The following IGFBP7 variants were observed in gnomAD, a reference collection of about 807,000 sequenced individuals.
IGFBP7 encodes the protein insulin like growth factor binding protein 7, also known as insulin-like growth factor-binding protein 7.
In IGFBP7, 31 loss-of-function variants were observed where a neutral mutation model predicts 29.4. The observed-to-expected ratio is 1.05, with a 90% confidence interval of 0.79 to 1.42. The LOEUF (loss-of-function observed/expected upper bound fraction) is 1.42. Among genes scored for constraint, IGFBP7 ranks in the 40% most tolerant of loss-of-function variants. IGFBP7 has a pLI of 0.00. For synonymous variants in IGFBP7, 172 were observed against 174.9 expected (o/e 0.98, Z 0.13); for missense variants, 393 against 395.5 (o/e 0.99, Z 0.05).
intron 2 of IGFBP7, among the ~76,000 whole-genome samples, 185 bp from the exon 3 acceptor site, chr4:57,033,496 T>C (rs1233823811): frequency 6.6e-6 from 1 of 152,234 alleles, no homozygotes; most frequent in Non-Finnish European, 1.5e-5. Context: ...TATTTCTTCC[T>C]GCCAGTTTCC....
chr4:57,057,143 C>T (rs1262096512), intron 1 of IGFBP7, among the ~76,000 whole-genome samples: 1 of 152,144 alleles, frequency 6.6e-6, no homozygotes, highest in African/African-American at 2.4e-5. Flanking sequence ...GTAGCTGGGA[C>T]TACAGGCACA....
chr4:57,090,349 C>T (rs1005932776), intron 1 of IGFBP7, among the ~76,000 whole-genome samples: 1 of 152,136 alleles, frequency 6.6e-6, no homozygotes, highest in African/African-American at 2.4e-5. Flanking sequence ...CTTTCTAGTT[C>T]TTATGATATA....
intron 1 of IGFBP7, among the ~76,000 whole-genome samples, chr4:57,042,576 G>A (rs563461382): frequency 6.6e-6 from 1 of 152,286 alleles, no homozygotes; most frequent in Non-Finnish European, 1.5e-5. Flanking sequence ...TCGAACCCCT[G>A]AGCTCAAGCG....
chr4:57,034,681 A>G (rs1724040510), intron 2 of IGFBP7, among the ~76,000 whole-genome samples: 3 of 152,194 alleles, frequency 2.0e-5, no homozygotes, highest in South Asian at 4.1e-4. Context: ...GTCGGCTTCA[A>G]ACCTACACTG....
At chr4:57,075,686 G>GTC (rs1725205120) in intron 1 of IGFBP7, among the ~76,000 whole-genome samples, 1 of 151,868 alleles carries the variant, frequency 6.6e-6, no homozygotes, top group African/African-American at 2.4e-5. Flanking sequence ...GATAGAAGAG[G>GTC]TCAACACAAC....
Position 57,095,129 on chromosome 4 carries a change from G to A in IGFBP7, c.475+14748C>T, listed in dbSNP as rs1170670174. On this transcript the variant is annotated intron_variant, in intron 1 of 4. Coordinates refer to ENST00000295666, the MANE Select transcript of IGFBP7 (RefSeq NM_001553.3). ...CAAGCAGGCTGTGATATGCCTTATGGAAAATACGGGTGTTAGACAAGCTTC... is the reference window on the plus strand; with the variant it reads ...CAAGCAGGCTGTGATATGCCTTATGAAAAATACGGGTGTTAGACAAGCTTC... Among the ~76,000 whole-genome samples, 3 of 152,204 alleles carry A rather than the reference G, an allele frequency of 2.0e-5. No individual in the cohort carries two copies. In the East Asian group the frequency reaches 5.8e-4, roughly 29 times the overall value.
intron 1 of IGFBP7, among the ~76,000 whole-genome samples, chr4:57,078,400 C>T (rs748210717): frequency 6.6e-6 from 1 of 152,056 alleles, no homozygotes; most frequent in Non-Finnish European, 1.5e-5. Context: ...AAAATTCTGC[C>T]TCAACAAATT....
intron 1 of IGFBP7, among the ~76,000 whole-genome samples, chr4:57,062,980 G>A (rs11573080): frequency 0.011 from 1,723 of 152,264 alleles, 10 homozygotes; most frequent in Non-Finnish European, 0.016. Flanking sequence ...ATCTGGCTCT[G>A]GGTAGCTTTT....
chr4:57,101,490 G>A (rs1725895704), intron 1 of IGFBP7, among the ~76,000 whole-genome samples: 1 of 152,200 alleles, frequency 6.6e-6, no homozygotes, highest in Non-Finnish European at 1.5e-5. Context: ...ATTGATGGGG[G>A]TGAGGCTTAC....
chr4:57,032,938 G>A (rs553973023), intron 3 of IGFBP7, among the ~76,000 whole-genome samples: 3 of 152,326 alleles, frequency 2.0e-5, no homozygotes, highest in African/African-American at 7.2e-5. Flanking sequence ...ACGCAGCTCC[G>A]TGTGAGGATT....
intron 1 of IGFBP7, among the ~76,000 whole-genome samples, chr4:57,082,949 G>T (rs1238790831): frequency 6.6e-6 from 1 of 151,950 alleles, no homozygotes; most frequent in African/African-American, 2.4e-5. Flanking sequence ...TTTTTTCAGT[G>T]AACAATCCAT....
intron 1 of IGFBP7, among the ~76,000 whole-genome samples, chr4:57,100,293 T>G (rs1269984098): frequency 6.6e-6 from 1 of 152,040 alleles, no homozygotes; most frequent in Non-Finnish European, 1.5e-5. Context: ...TTGCCCAGGC[T>G]GGTCCTGAAC....
At chr4:57,047,490 G>A (rs1011615294) in intron 1 of IGFBP7, among the ~76,000 whole-genome samples, 6 of 152,142 alleles carry the variant, frequency 3.9e-5, no homozygotes, top group African/African-American at 1.4e-4. Context: ...AAGAAAGATA[G>A]CCAGATCCTG....
chr4:57,092,473 A>G (rs1394558292), intron 1 of IGFBP7, among the ~76,000 whole-genome samples: 1 of 152,192 alleles, frequency 6.6e-6, no homozygotes, highest in East Asian at 1.9e-4. Flanking sequence ...ACTAGGATGC[A>G]GGTACAACTC....
rs747735573 is a variant in IGFBP7, at chr4:57,109,862, A to G, written c.475+15T>C. 2 of 1,535,506 alleles carry G rather than the reference A, an allele frequency of 1.3e-6. No homozygotes were observed. Among genetic ancestry groups the G allele is most frequent in the Non-Finnish European group, 1.7e-6 (2 of 1,146,854 alleles). ...CGAGCGGCGCAGGGTTGGAGAGGGA[A>G]GCGCTCGTGCCCACCTTGCTCGCAG... On this transcript the variant is annotated intron_variant, in intron 1 of 4. Coordinates refer to ENST00000295666, the MANE Select transcript of IGFBP7 (RefSeq NM_001553.3).
intron 1 of IGFBP7, among the ~76,000 whole-genome samples, chr4:57,066,924 C>T (rs952569338): frequency 6.6e-6 from 1 of 151,026 alleles, no homozygotes; most frequent in Non-Finnish European, 1.5e-5. Context: ...CTTTCTCCAT[C>T]ATCAGCTAGA....
Position 57,110,258 on chromosome 4 carries a change from A to G in IGFBP7, c.94T>C (p.Cys32Arg). The change falls in exon 1 of 5, where the codon TGC becomes CGC. Residue 32 changes from cysteine (C) to arginine (R), a missense_variant. Cys to Arg is a radical substitution (Grantham distance 180). Transcript: ENST00000295666. Reference sequence around the variant, plus strand: ...CAGGAGGCCGGCTCGCAGGGGCCGCAGGTGTCCGAAGAGGAGGAAGAGGAG... The same window carrying G: ...CAGGAGGCCGGCTCGCAGGGGCCGCGGGTGTCCGAAGAGGAGGAAGAGGAG... ...PLSSSSSSDTCGPCEPASCPP... is the reference protein window; with the variant it reads ...PLSSSSSSDTRGPCEPASCPP... The G allele has an allele frequency of 1.4e-6, 2 of 1,416,844 alleles. No homozygotes were observed. Among genetic ancestry groups the G allele is most frequent in the Admixed American group, 5.3e-5 (2 of 37,784 alleles). 87.8% of individuals were successfully genotyped at this position (1,416,844 alleles called of 1,614,324 possible).
chr4:57,050,436 G>C (rs1440804109), intron 1 of IGFBP7, among the ~76,000 whole-genome samples: 1 of 151,278 alleles, frequency 6.6e-6, no homozygotes, highest in Admixed American at 6.6e-5. Flanking sequence ...GTAGAGATGG[G>C]GTTTCACCAT....
intron 1 of IGFBP7, among the ~76,000 whole-genome samples, chr4:57,059,581 A>G (rs916746244): frequency 6.6e-6 from 1 of 152,044 alleles, no homozygotes; most frequent in Non-Finnish European, 1.5e-5. Flanking sequence ...AACAACAGAC[A>G]CTGGGTCTAC....
Sources: gnomAD v4.1 joint callset for allele counts (sites outside exome capture counted in the v4.1 genomes callset) on GRCh38, gnomAD v4.1.1 for gene constraint, MANE v1.5 for transcripts, NCBI Gene and HGNC (gene_info 2026-07-23, HGNC 2026-07-21) for gene names.